Variants in TMTC2 observed in about 807,000 individuals in gnomAD.
TMTC2 encodes the protein protein O-mannosyl-transferase TMTC2.
Under a neutral mutation model 82.4 loss-of-function variants are expected in TMTC2, and 43 were observed. The ratio of observed to expected loss-of-function variants is 0.52; its 90% CI spans 0.41 to 0.67. TMTC2 has a LOEUF of 0.67. Ranked by LOEUF, TMTC2 falls within the 30% of genes least tolerant of loss-of-function variation. The pLI is 0.00. For missense variants in TMTC2, 919 were observed against 1,012.4 expected (o/e 0.91, Z 1.25); for synonymous variants, 408 against 381.9 (o/e 1.07, Z -0.80).
Position 82,687,254 on chromosome 12 carries a change from T to G in TMTC2, c.-333T>G. 3 of 388,486 alleles carry G rather than the reference T, an allele frequency of 7.7e-6. No homozygotes were observed. Among genetic ancestry groups the G allele is most frequent in the Non-Finnish European group, 9.7e-6 (2 of 206,570 alleles). 24.1% of individuals were successfully genotyped at this position (388,486 alleles called of 1,614,324 possible). A position where few individuals can be genotyped will look rare whatever the true frequency, so the allele number is the denominator to read the frequency against. The stretch of plus-strand genomic sequence containing the variant: ...CTAGGACGCCCCAAACTGCCATGGG[T>G]TAGGGTGGGGATCGCGACCCGCGCG... On this transcript the variant is annotated 5_prime_UTR_variant, in exon 1 of 12. Coordinates refer to ENST00000321196, the MANE Select transcript of TMTC2 (RefSeq NM_152588.3).
intron 1 of TMTC2, among the ~76,000 whole-genome samples, chr12:82,755,198 G>C (rs1487492717): frequency 1.3e-5 from 2 of 152,228 alleles, no homozygotes; most frequent in African/African-American, 4.8e-5. Context: ...GCAAGCAGGT[G>C]AGTTGAGCTG....
chr12:82,918,203 C>T (rs1352771316), intron 3 of TMTC2, among the ~76,000 whole-genome samples: 2 of 152,218 alleles, frequency 1.3e-5, no homozygotes, highest in African/African-American at 2.4e-5. Context: ...GCCACTGCGC[C>T]TGGCCAAAAT....
At chr12:82,896,783 T>C (rs956859491) in intron 3 of TMTC2, 137 bp downstream of exon 3, 15 of 642,694 alleles carry the variant, frequency 2.3e-5, no homozygotes, top group Non-Finnish European at 3.8e-5. Flanking sequence ...ATTCTTTTTA[T>C]TTTTTTAAAG....
At chr12:82,848,672 G>A (rs969123665) in intron 1 of TMTC2, among the ~76,000 whole-genome samples, 4 of 152,158 alleles carry the variant, frequency 2.6e-5, no homozygotes, top group African/African-American at 9.7e-5. Context: ...AAGAGGGAAT[G>A]TTAAGATCAC....
chr12:83,038,077 A>T (rs1351390201), intron 9 of TMTC2, among the ~76,000 whole-genome samples: 2 of 146,834 alleles, frequency 1.4e-5, no homozygotes, highest in Non-Finnish European at 1.5e-5. Context: ...CATAGGTAGG[A>T]ATTGAACAAT....
chr12:82,729,863 C>T (rs1026600535), intron 1 of TMTC2, among the ~76,000 whole-genome samples: 1 of 152,092 alleles, frequency 6.6e-6, no homozygotes, highest in East Asian at 1.9e-4. Flanking sequence ...ACACTCATGG[C>T]GAAGGTCTGC....
chr12:82,985,970 G>A lies in TMTC2; in HGVS notation c.1994G>A (p.Trp665Ter), dbSNP rs1410565100. The A allele has an allele frequency of 1.2e-6, 2 of 1,613,976 alleles. No homozygotes were observed. The highest frequency in any genetic ancestry group is 3.3e-5 in the Admixed American group (2 of 60,018). ...RLSKLPEAEH[W>*]YMESLRSKTD... is the part of the protein sequence containing the mutation. ...AGCAAACTCCCCGAAGCAGAGCATT[G>A]GTATATGGAATCACTGAGATCCAAG... The change falls in exon 8 of 12, where the codon TGG becomes TAG. Residue 665 changes from tryptophan (W) to a stop codon, truncating the protein, a stop_gained. Coordinates refer to ENST00000321196, the MANE Select transcript of TMTC2 (RefSeq NM_152588.3). LOFTEE classifies it high-confidence loss of function.
At chr12:82,984,096 A>G (rs1014674687) in intron 7 of TMTC2, among the ~76,000 whole-genome samples, 3 of 149,712 alleles carry the variant, frequency 2.0e-5, no homozygotes, top group African/African-American at 7.5e-5. Flanking sequence ...AACAACTACA[A>G]GCATTTTTGT....
chr12:83,058,457 AG>A (rs1882624450), intron 10 of TMTC2, among the ~76,000 whole-genome samples: 1 of 151,840 alleles, frequency 6.6e-6, no homozygotes, highest in Non-Finnish European at 1.5e-5. Context: ...CCTGGCCCTG[AG>A]AGACCAGAGG....
chr12:82,872,810 T>G (rs12316012), intron 2 of TMTC2, among the ~76,000 whole-genome samples: 10,113 of 152,198 alleles, frequency 0.066, 1,148 homozygotes, highest in African/African-American at 0.23. Context: ...CATGTTCCCT[T>G]ATTCAATATC....
chr12:83,031,127 A>G (rs1475497367), intron 9 of TMTC2, among the ~76,000 whole-genome samples: 2 of 152,096 alleles, frequency 1.3e-5, no homozygotes, highest in Non-Finnish European at 2.9e-5. Flanking sequence ...TTTTTTTTCA[A>G]GTTCAGTGTG....
chr12:82,993,788 G>A (rs1324057340), intron 8 of TMTC2, among the ~76,000 whole-genome samples: 5 of 152,146 alleles, frequency 3.3e-5, no homozygotes, highest in African/African-American at 9.7e-5. Context: ...GGTGGTAAAG[G>A]AATTTACCAA....
At chr12:82,860,981 A>G (rs1024126477) in intron 2 of TMTC2, among the ~76,000 whole-genome samples, 1 of 152,252 alleles carries the variant, frequency 6.6e-6, no homozygotes, top group African/African-American at 2.4e-5. Flanking sequence ...TTCTGAAGGA[A>G]GTAGTCTGAA....
intron 3 of TMTC2, among the ~76,000 whole-genome samples, chr12:82,916,208 G>T (rs1475855276): frequency 6.6e-6 from 1 of 152,192 alleles, no homozygotes; most frequent in African/African-American, 2.4e-5. Flanking sequence ...TTCCCCAAGT[G>T]TTCCATTAAC....
chr12:82,810,233 A>G (rs1879430641), intron 1 of TMTC2, among the ~76,000 whole-genome samples: 1 of 151,686 alleles, frequency 6.6e-6, no homozygotes, highest in Non-Finnish European at 1.5e-5. Context: ...TGCTGTGGTC[A>G]AAGGAAGCTT....
rs1877074175 is a variant in TMTC2 at position 82,947,418 on chromosome 12, CT to C, written c.1598+16874del. ...AGTGCAGTGGCGCGATCTCGGCTCACTGCAAGCTCCGCCTTCCGGGTTCACG... is the reference window on the plus strand; with the variant it reads ...AGTGCAGTGGCGCGATCTCGGCTCACGCAAGCTCCGCCTTCCGGGTTCACG... On this transcript the variant is annotated intron_variant, in intron 4 of 11. Transcript: ENST00000321196. Among the ~76,000 whole-genome samples the C allele has an allele frequency of 2.0e-5, 3 of 151,196 alleles. No homozygotes were observed. The South Asian group carries it at 6.2e-4, about 31-fold the overall frequency.
chr12:83,113,376 T>C (rs1281058043), intron 11 of TMTC2, among the ~76,000 whole-genome samples: 1 of 152,220 alleles, frequency 6.6e-6, no homozygotes, highest in Non-Finnish European at 1.5e-5. Flanking sequence ...TTCTTATCGA[T>C]AAAAACTTTA....
In TMTC2 at chr12:82,840,935, A is replaced by G. The variant is rs141572312; in HGVS notation, c.84-16075A>G. On this transcript the variant is annotated intron_variant, in intron 1 of 11. Transcript: ENST00000321196. ...GCCGGGATTACAGGTGCCTGCCACC[A>G]TGCCTGACTAATTTTTGTATTTTTA... Among the ~76,000 whole-genome samples, 610 of 152,174 alleles carry G rather than the reference A, an allele frequency of 4.0e-3. 6 individuals carry two copies. Among genetic ancestry groups the G allele is most frequent in the Non-Finnish European group, 5.7e-3 (386 of 68,002 alleles).
At chr12:82,707,978 A>AGCATGTGT (rs2136908369) in intron 1 of TMTC2, among the ~76,000 whole-genome samples, 1 of 152,312 alleles carries the variant, frequency 6.6e-6, no homozygotes, top group East Asian at 1.9e-4. Context: ...TGCGTGCACA[A>AGCATGTGT]GCATGTGTTT....
Sources: allele counts gnomAD v4.1 joint callset (sites outside exome capture counted in the v4.1 genomes callset), GRCh38; gene constraint gnomAD v4.1.1; transcripts MANE v1.5; gene names NCBI Gene and HGNC (gene_info 2026-07-23, HGNC 2026-07-21).